Variants in WWOX observed in about 807,000 individuals in gnomAD.
WWOX encodes WW domain containing oxidoreductase.
Under a neutral mutation model 46.2 loss-of-function variants are expected in WWOX, and 69 were observed. The ratio of observed to expected loss-of-function variants is 1.49; its 90% CI spans 1.23 to 1.82. WWOX has a LOEUF of 1.82. WWOX is among the 40% of genes most tolerant of loss of function. WWOX has a pLI of 0.00. For missense variants in WWOX, 919 were observed against 542.6 expected, an observed-to-expected ratio of 1.69 and a Z score of -6.89; for synonymous variants, 359 against 202.6, an observed-to-expected ratio of 1.77 and a Z score of -6.56.
intron 8 of WWOX, among the ~76,000 whole-genome samples, chr16:79,146,513 A>G (rs187678882): frequency 1.5e-4 from 23 of 152,262 alleles, no homozygotes; most frequent in African/African-American, 4.6e-4. Context: ...ACTCATAACT[A>G]TATTACAGTT....
At chr16:78,384,873 C>A (rs867679695) in intron 5 of WWOX, among the ~76,000 whole-genome samples, 4 of 152,120 alleles carry the variant, frequency 2.6e-5, no homozygotes, top group African/African-American at 9.7e-5. Flanking sequence ...CGGTGGCTCA[C>A]GCCTGTAATC....
chr16:78,231,125 GT>G (rs904407328), intron 5 of WWOX, among the ~76,000 whole-genome samples: 15 of 152,178 alleles, frequency 9.9e-5, no homozygotes, highest in African/African-American at 3.6e-4. Flanking sequence ...TCTTTGTTTG[GT>G]TTTGCTTCAG....
At chr16:79,169,623 G>A (rs1030116044) in intron 8 of WWOX, among the ~76,000 whole-genome samples, 1 of 152,194 alleles carries the variant, frequency 6.6e-6, no homozygotes, top group African/African-American at 2.4e-5. Flanking sequence ...AATAGCTAAA[G>A]ACAGAAATGA....
Position 78,988,194 on chromosome 16 carries a change from C to A in WWOX, c.1057-223414C>A, listed in dbSNP as rs181766636. ...CCCGTCTCTACTAAAAATACAAAAACTTAGCTGGGCATGGTGACAGGCATC... is the reference window on the plus strand; with the variant it reads ...CCCGTCTCTACTAAAAATACAAAAAATTAGCTGGGCATGGTGACAGGCATC... On this transcript the variant is annotated intron_variant, in intron 8 of 8. Coordinates refer to ENST00000566780, the MANE Select transcript of WWOX (RefSeq NM_016373.4). Among the ~76,000 whole-genome samples the A allele has an allele frequency of 5.3e-3, 810 of 151,628 alleles. 14 individuals are homozygous for A. The highest frequency in any genetic ancestry group is 0.019 in the African/African-American group (765 of 41,324).
chr16:78,727,987 T>C (rs149265453), intron 8 of WWOX, among the ~76,000 whole-genome samples: 36 of 150,944 alleles, frequency 2.4e-4, no homozygotes, highest in African/African-American at 6.6e-4. Flanking sequence ...ATTAATTCGT[T>C]TATAAGTAAG....
chr16:78,490,289 G>T (rs770146792), intron 8 of WWOX, among the ~76,000 whole-genome samples: 21 of 127,500 alleles, frequency 1.6e-4, no homozygotes, highest in Middle Eastern at 7.6e-3. Flanking sequence ...GCACAGTATT[G>T]TTTAACACAC....
chr16:78,241,906 C>T (rs537410542), intron 5 of WWOX, among the ~76,000 whole-genome samples: 9 of 152,302 alleles, frequency 5.9e-5, no homozygotes, highest in Admixed American at 5.9e-4. Context: ...TAGTAGCCCT[C>T]TCCCTCACAA....
chr16:78,817,656 G>T (rs2051372640), intron 8 of WWOX, among the ~76,000 whole-genome samples: 1 of 152,094 alleles, frequency 6.6e-6, no homozygotes, highest in Non-Finnish European at 1.5e-5. Flanking sequence ...GTACTCCTGG[G>T]TATTGGGGAT....
chr16:79,189,638 A>C (rs2051091888), intron 8 of WWOX, among the ~76,000 whole-genome samples: 1 of 151,940 alleles, frequency 6.6e-6, no homozygotes, highest in Non-Finnish European at 1.5e-5. Flanking sequence ...TATTTCTAGT[A>C]ATTTCTGTTC....
rs59637371 is a variant in WWOX, at chr16:78,858,144, TTGTG to T, written c.1057-353440_1057-353437del. Among the ~76,000 whole-genome samples, 127 of 148,650 alleles carry T rather than the reference TTGTG, an allele frequency of 8.5e-4. 1 individual carries two copies. The highest frequency in any genetic ancestry group is 2.3e-3 in the African/African-American group (92 of 40,122). ...ACCTCTATATACATACATTGTGTGT[TTGTG>T]TGTGTGTGTGTGTGTGTGTGTGTAT... On this transcript the variant is annotated intron_variant, in intron 8 of 8. Coordinates refer to ENST00000566780, the MANE Select transcript of WWOX (RefSeq NM_016373.4).
intron 8 of WWOX, among the ~76,000 whole-genome samples, chr16:78,935,180 G>C (rs971148546): frequency 2.0e-5 from 3 of 152,160 alleles, no homozygotes; most frequent in Non-Finnish European, 4.4e-5. Context: ...TTCAACCATT[G>C]TGGAAGACAT....
At chr16:78,914,303 G>A (rs562751095) in intron 8 of WWOX, among the ~76,000 whole-genome samples, 4 of 152,128 alleles carry the variant, frequency 2.6e-5, no homozygotes, top group South Asian at 4.2e-4. Flanking sequence ...CCAGAGAGCA[G>A]GGACCTCATC....
At chr16:78,854,734 C>G (rs1464805858) in intron 8 of WWOX, among the ~76,000 whole-genome samples, 1 of 151,994 alleles carries the variant, frequency 6.6e-6, no homozygotes, top group Non-Finnish European at 1.5e-5. Flanking sequence ...GCACATGCCA[C>G]CACTCCCAGC....
At chr16:78,855,337 G>A (rs1597726049) in intron 8 of WWOX, among the ~76,000 whole-genome samples, 1 of 152,276 alleles carries the variant, frequency 6.6e-6, no homozygotes, top group African/African-American at 2.4e-5. Flanking sequence ...ATAAATCTGA[G>A]TGGGTGTCTA....
intron 5 of WWOX, among the ~76,000 whole-genome samples, chr16:78,208,764 A>T (rs2036471657): frequency 6.6e-6 from 1 of 152,186 alleles, no homozygotes. Context: ...TATCTTTGTA[A>T]TGTTTATTTT....
At chr16:78,150,141 C>T (rs907230622) in intron 4 of WWOX, among the ~76,000 whole-genome samples, 1 of 152,178 alleles carries the variant, frequency 6.6e-6, no homozygotes, top group African/African-American at 2.4e-5. Flanking sequence ...TTCCCACGAC[C>T]ATCTCCTCAG....
intron 8 of WWOX, among the ~76,000 whole-genome samples, chr16:79,067,452 C>G (rs1437900211): frequency 6.6e-6 from 1 of 152,162 alleles, no homozygotes; most frequent in Non-Finnish European, 1.5e-5. Context: ...TTGGGCTTCC[C>G]TCCACCTGAG....
At chr16:78,315,572 C>T (rs901694841) in intron 5 of WWOX, among the ~76,000 whole-genome samples, 3 of 152,026 alleles carry the variant, frequency 2.0e-5, no homozygotes, top group Admixed American at 6.6e-5. Flanking sequence ...ATCGCTTGAA[C>T]CCGGGAAGCA....
At chr16:78,788,733 G>A (rs544977313) in intron 8 of WWOX, among the ~76,000 whole-genome samples, 1 of 151,892 alleles carries the variant, frequency 6.6e-6, no homozygotes, top group African/African-American at 2.4e-5. Context: ...AACCCAAAGA[G>A]GGGGTTATGG....
Sources: allele counts gnomAD v4.1 joint callset (sites outside exome capture counted in the v4.1 genomes callset), GRCh38; gene constraint gnomAD v4.1.1; transcripts MANE v1.5; gene names NCBI Gene and HGNC (gene_info 2026-07-23, HGNC 2026-07-21).